CDH9: variants seen among roughly 807,000 people sequenced by gnomAD.
CDH9 encodes cadherin 9.
In CDH9, 28 loss-of-function variants were observed where a neutral mutation model predicts 70.9. That is an observed-to-expected ratio of 0.40 (90% CI 0.29 to 0.54). CDH9 has a LOEUF of 0.54. CDH9 is among the 20% of genes least tolerant of loss of function. The pLI is 0.59. For synonymous variants in CDH9, 409 were observed against 343.1 expected, an observed-to-expected ratio of 1.19 and a Z score of -2.12; for missense variants, 874 against 984.4, an observed-to-expected ratio of 0.89 and a Z score of 1.50.
intron 1 of CDH9, among the ~76,000 whole-genome samples, chr5:27,030,547 C>A (rs999822260): frequency 6.7e-6 from 1 of 149,534 alleles, no homozygotes; most frequent in Non-Finnish European, 1.5e-5. Context: ...AAAAGCTGTA[C>A]TGAAGTCAAG....
chr5:26,999,030 A>T (rs1275359681), intron 1 of CDH9, among the ~76,000 whole-genome samples: 1 of 152,090 alleles, frequency 6.6e-6, no homozygotes, highest in Non-Finnish European at 1.5e-5. Flanking sequence ...GCAGATCAAG[A>T]GGCCAGGAGA....
At chr5:26,888,252 G>A (rs1223709594) in intron 9 of CDH9, among the ~76,000 whole-genome samples, 1 of 152,078 alleles carries the variant, frequency 6.6e-6, no homozygotes, top group Admixed American at 6.6e-5. Context: ...CAGATTTGGA[G>A]AAGTATTTGG....
At chr5:26,911,102 C>A (rs1224100479) in intron 3 of CDH9, among the ~76,000 whole-genome samples, 1 of 152,116 alleles carries the variant, frequency 6.6e-6, no homozygotes, top group African/African-American at 2.4e-5. Flanking sequence ...TAAAACCCAG[C>A]AGAGAATCTA....
At chr5:26,990,737 T>C (rs1458389658) in intron 1 of CDH9, among the ~76,000 whole-genome samples, 2 of 152,176 alleles carry the variant, frequency 1.3e-5, no homozygotes, top group African/African-American at 4.8e-5. Context: ...TTATCTTACT[T>C]TGATAAAATA....
chr5:26,949,100 G>A (rs1419056383), intron 2 of CDH9, among the ~76,000 whole-genome samples: 1 of 152,076 alleles, frequency 6.6e-6, no homozygotes, highest in Non-Finnish European at 1.5e-5. Context: ...CTAGGCTTAG[G>A]GTTAGGATTA....
At chr5:26,906,601 C>G in intron 4 of CDH9, 118 bp downstream of exon 4, 1 of 1,376,558 alleles carries the variant, frequency 7.3e-7, no homozygotes, top group East Asian at 2.6e-5. Context: ...TGACAGGAAA[C>G]AAATAGAAAC....
At chr5:26,895,943 T>C (rs1740742216) in intron 7 of CDH9, among the ~76,000 whole-genome samples, 1 of 151,998 alleles carries the variant, frequency 6.6e-6, no homozygotes, top group African/African-American at 2.4e-5. Context: ...TATAATTGGA[T>C]ATCTAAGGCT....
chr5:26,890,002 A>C, intron 8 of CDH9, 45 bp from the exon 9 acceptor site: 1 of 1,590,530 alleles, frequency 6.3e-7, no homozygotes. Flanking sequence ...TTTACACAGA[A>C]GCAGTGAAAC....
intron 1 of CDH9, among the ~76,000 whole-genome samples, chr5:27,019,370 A>G (rs1743098418): frequency 1.3e-5 from 2 of 152,020 alleles, no homozygotes; most frequent in South Asian, 4.1e-4. Context: ...TTTTTCTAAA[A>G]TGCTAATCCC....
At chr5:26,956,706 A>G (rs1285652207) in intron 2 of CDH9, among the ~76,000 whole-genome samples, 1 of 152,126 alleles carries the variant, frequency 6.6e-6, no homozygotes, top group East Asian at 1.9e-4. Context: ...AGATCCTTAC[A>G]GGATGGTAGC....
intron 1 of CDH9, among the ~76,000 whole-genome samples, chr5:27,001,686 T>C (rs1742771046): frequency 6.6e-6 from 1 of 152,142 alleles, no homozygotes; most frequent in African/African-American, 2.4e-5. Flanking sequence ...AATGAACTCA[T>C]CTATAACCTA....
chr5:26,937,498 C>G (rs1579462449), intron 2 of CDH9, among the ~76,000 whole-genome samples: 1 of 152,086 alleles, frequency 6.6e-6, no homozygotes, highest in East Asian at 1.9e-4. Flanking sequence ...AGCATATGAT[C>G]TAGCAATTAT....
At chr5:26,904,660 C>G (rs1052770737) in intron 5 of CDH9, among the ~76,000 whole-genome samples, 18 of 152,132 alleles carry the variant, frequency 1.2e-4, no homozygotes, top group Middle Eastern at 3.4e-3. Flanking sequence ...AGTCTATATT[C>G]TTTCCAATTT....
At chr5:26,931,995 G>A (rs1741471636) in intron 2 of CDH9, among the ~76,000 whole-genome samples, 1 of 152,250 alleles carries the variant, frequency 6.6e-6, no homozygotes, top group Middle Eastern at 3.4e-3. Flanking sequence ...ACAAATAAAT[G>A]TAAGCATAGG....
Position 26,881,353 on chromosome 5 carries a change from C to A in CDH9, c.2153G>T (p.Arg718Leu). The A allele has an allele frequency of 6.2e-7, 1 of 1,612,778 alleles. No homozygotes were observed. The stretch of plus-strand genomic sequence containing the variant: ...GTCTGCGTCGTTTTCTTTTAATCTT[C>A]GATGGATAAAATCTTGTACATCAAT... The part of the protein sequence containing the change: ...ENIDVQDFIH[R>L]RLKENDADPS... Residue 718 changes from arginine to leucine, a missense_variant, in exon 12 of 12, where the codon CGA becomes CTA. By Grantham distance (102) the Arg-to-Leu change is moderately radical. Coordinates refer to ENST00000231021, the MANE Select transcript of CDH9 (RefSeq NM_016279.4).
chr5:26,995,992 A>T lies in CDH9; in HGVS notation c.-49-7610T>A, dbSNP rs182800785. On this transcript the variant is annotated intron_variant, in intron 1 of 11. Transcript: ENST00000231021. ...TATTTGAGAAAAATGTCTGCTATTA[A>T]ATATTTGTATGTCAAAAAAGGTGAA... Among the ~76,000 whole-genome samples, 404 of 152,086 alleles carry T rather than the reference A, an allele frequency of 2.7e-3. 2 individuals carry two copies. The highest frequency in any genetic ancestry group is 9.2e-3 in the African/African-American group (383 of 41,562).
chr5:26,916,042 G>C, intron 2 of CDH9, 118 bp from the exon 3 acceptor site: 1 of 632,206 alleles, frequency 1.6e-6, no homozygotes, highest in Non-Finnish European at 2.6e-6. Context: ...TATCTTAATG[G>C]TTATCTTGAC....
chr5:26,915,311 A>G (rs1741129710), intron 3 of CDH9, among the ~76,000 whole-genome samples: 1 of 152,006 alleles, frequency 6.6e-6, no homozygotes, highest in African/African-American at 2.4e-5. Context: ...TGCTGATACT[A>G]TCTATTATTC....
At position 27,038,081 on chromosome 5, in the gene CDH9, A is replaced by T. The variant is rs74812731; in HGVS notation, c.-50+382T>A. 6.8e-3 allele frequency among the ~76,000 whole-genome samples: 1,028 copies of T among 152,128 alleles called. 9 individuals are homozygous for T. The highest frequency in any genetic ancestry group is 0.01 in the Admixed American group (159 of 15,234). Reference sequence around the variant, plus strand: ...TGAGAAGACCAGGAGTCCATTTCAAATTAATATAATAATCACATACATGAA... The same window carrying T: ...TGAGAAGACCAGGAGTCCATTTCAATTTAATATAATAATCACATACATGAA... On this transcript the variant is annotated intron_variant, in intron 1 of 11. Coordinates refer to ENST00000231021, the MANE Select transcript of CDH9 (RefSeq NM_016279.4).
Sources: gnomAD v4.1 joint callset for allele counts (sites outside exome capture counted in the v4.1 genomes callset) on GRCh38, gnomAD v4.1.1 for gene constraint, MANE v1.5 for transcripts, NCBI Gene and HGNC (gene_info 2026-07-23, HGNC 2026-07-21) for gene names.